Variants in EEF1G observed in about 807,000 individuals in gnomAD.
The protein encoded by EEF1G is elongation factor 1-gamma.
Under a neutral mutation model 58.3 loss-of-function variants are expected in EEF1G, and 14 were observed. The ratio of observed to expected loss-of-function variants is 0.24; its 90% CI spans 0.16 to 0.38. The LOEUF is 0.38. EEF1G is among the 10% of genes least tolerant of loss of function. EEF1G has a pLI of 1.00. For synonymous variants in EEF1G, 180 were observed against 206.8 expected, an observed-to-expected ratio of 0.87 and a Z score of 1.11; for missense variants, 322 against 550.1, an observed-to-expected ratio of 0.59 and a Z score of 4.15.
At position 62,571,098 on chromosome 11, in the gene EEF1G, T is replaced by C. The variant is rs201995941; in HGVS notation, c.389A>G (p.Asn130Ser). The C allele has an allele frequency of 1.2e-6, 2 of 1,613,920 alleles. No homozygotes were observed. The change falls in exon 5 of 10, where the codon AAT (asparagine) becomes AGT (serine). Residue 130 changes from asparagine to serine, a missense_variant. Asn to Ser is a conservative substitution (Grantham distance 46). Around this residue, in one of 3 missense-constraint regions of EEF1G, gnomAD observed 52 missense variants for 139.4 expected, o/e 0.37. Coordinates refer to ENST00000329251, the MANE Select transcript of EEF1G (RefSeq NM_001404.5). Reference protein sequence around the residue: ...IMHHNKQATENAKEEVRRILG... With the variant: ...IMHHNKQATESAKEEVRRILG... ...AATTCGCCTCACTTCCTCCTTTGCATTCTCAGTGGCCTAGTGATTCAACAT... is the reference window on the plus strand; with the variant it reads ...AATTCGCCTCACTTCCTCCTTTGCACTCTCAGTGGCCTAGTGATTCAACAT...
intron 7 of EEF1G, among the ~76,000 whole-genome samples, chr11:62,563,148 A>G (rs1941518230): frequency 6.6e-6 from 1 of 151,542 alleles, no homozygotes; most frequent in South Asian, 2.1e-4. Flanking sequence ...TTTCCTTGAG[A>G]CGGAGTCTAG....
At chr11:62,563,750 C>A (rs115600501) in intron 7 of EEF1G, among the ~76,000 whole-genome samples, 2 of 152,188 alleles carry the variant, frequency 1.3e-5, no homozygotes, top group Non-Finnish European at 2.9e-5. Flanking sequence ...CCCTGACCCT[C>A]CCCTCTCTTT....
At chr11:62,571,959 T>C (rs946731214) in intron 2 of EEF1G, 58 bp from the exon 3 acceptor site, 4 of 1,447,124 alleles carry the variant, frequency 2.8e-6, no homozygotes, top group African/African-American at 2.8e-5. Context: ...TCCTAACCAA[T>C]ACCAGGAGCC....
At chr11:62,567,359 C>T in intron 6 of EEF1G, 40 bp downstream of exon 6, 1 of 1,579,678 alleles carries the variant, frequency 6.3e-7, no homozygotes, top group Non-Finnish European at 8.6e-7. Context: ...AAACCAGACC[C>T]TGATCCTGGC....
chr11:62,572,925 GA>G, intron 1 of EEF1G, 183 bp from the exon 2 acceptor site: 1 of 508,180 alleles, frequency 2.0e-6, no homozygotes, highest in Non-Finnish European at 3.4e-6. Context: ...ACCAAGAACA[GA>G]ACTACACACC....
intron 7 of EEF1G, among the ~76,000 whole-genome samples, chr11:62,562,445 G>A (rs1941507667): frequency 6.6e-6 from 1 of 152,098 alleles, no homozygotes; most frequent in Non-Finnish European, 1.5e-5. Context: ...GCTGACTGAA[G>A]AAAATCACCT....
chr11:62,570,424 T>A (rs1941613602), intron 5 of EEF1G, among the ~76,000 whole-genome samples: 1 of 152,156 alleles, frequency 6.6e-6, no homozygotes, highest in African/African-American at 2.4e-5. Flanking sequence ...CAACTAAGAA[T>A]AACCAATCTT....
chr11:62,565,998 G>A (rs1590708730), intron 7 of EEF1G, among the ~76,000 whole-genome samples: 2 of 152,056 alleles, frequency 1.3e-5, no homozygotes, highest in South Asian at 4.1e-4. Flanking sequence ...GAAATGACAG[G>A]GTGAGTGGGA....
chr11:62,573,400 G>A (rs1293279843), intron 1 of EEF1G: 1 of 219,124 alleles, frequency 4.6e-6, no homozygotes, highest in Non-Finnish European at 9.2e-6. Context: ...ACTGTCCGGA[G>A]AATCCTCTCG....
intron 5 of EEF1G, among the ~76,000 whole-genome samples, chr11:62,569,331 G>A (rs1941597051): frequency 6.6e-6 from 1 of 151,848 alleles, no homozygotes; most frequent in Non-Finnish European, 1.5e-5. Flanking sequence ...AAAATTAGAC[G>A]GGTTTGGTGG....
At chr11:62,568,225 CAA>C (rs34105472) in intron 5 of EEF1G, among the ~76,000 whole-genome samples, 4 of 127,564 alleles carry the variant, frequency 3.1e-5, no homozygotes, top group Non-Finnish European at 5.1e-5. Flanking sequence ...GACTCTGTCT[CAA>C]AAAAAAAAAA....
chr11:62,565,912 T>A (rs1235060731), intron 7 of EEF1G, among the ~76,000 whole-genome samples: 1 of 152,092 alleles, frequency 6.6e-6, no homozygotes, highest in Non-Finnish European at 1.5e-5. Flanking sequence ...TCACCCGGTA[T>A]CCAAGCCATT....
chr11:62,565,747 C>A (rs1941547928), intron 7 of EEF1G, among the ~76,000 whole-genome samples: 1 of 152,180 alleles, frequency 6.6e-6, no homozygotes, highest in Non-Finnish European at 1.5e-5. Flanking sequence ...GTGCCTGTGT[C>A]TGGATGGAGC....
At chr11:62,567,158 G>C in intron 6 of EEF1G, 148 bp from the exon 7 acceptor site, 1 of 954,678 alleles carries the variant, frequency 1.0e-6, no homozygotes, top group Non-Finnish European at 1.6e-6. Flanking sequence ...TCAGTTCACT[G>C]TGTGTCCTCC....
intron 7 of EEF1G, among the ~76,000 whole-genome samples, chr11:62,565,315 G>A (rs539326029): frequency 6.6e-6 from 1 of 151,990 alleles, no homozygotes; most frequent in Non-Finnish European, 1.5e-5. Context: ...GAGTACAGGA[G>A]GTCAAGACTG....
At chr11:62,571,510 C>A in intron 4 of EEF1G, 30 bp downstream of exon 4, 1 of 1,577,300 alleles carries the variant, frequency 6.3e-7, no homozygotes, top group East Asian at 2.3e-5. Flanking sequence ...CACCCCTGCC[C>A]CTGGCTTCTC....
chr11:62,572,882 T>G, intron 1 of EEF1G, 140 bp from the exon 2 acceptor site: 7 of 703,280 alleles, frequency 1.0e-5, no homozygotes, highest in Non-Finnish European at 1.6e-5. Context: ...AGTCCTTTAG[T>G]ACTTGTCATA....
chr11:62,559,948 C>T, intron 9 of EEF1G, 111 bp from the exon 10 acceptor site: 6 of 1,605,740 alleles, frequency 3.7e-6, no homozygotes, highest in Non-Finnish European at 5.1e-6. Context: ...TGAACATGAA[C>T]TGCTCCTTCC....
rs1473043127 is a variant in EEF1G, at chr11:62,572,810, G to A, written c.13-68C>T. 5 of 1,462,810 alleles carry A rather than the reference G, an allele frequency of 3.4e-6. No homozygotes were observed. The African/African-American group carries it at 7.1e-5, about 21-fold the overall frequency. The allele number at this position is 1,462,810 out of a possible 1,614,324, so 90.6% of individuals were successfully genotyped here. ...CCCAGTCCTTAATGCCACTCTCCAG[G>A]ATGACTTTCCTGAATAATCCCAATG... On this transcript the variant is annotated intron_variant, in intron 1 of 9. Transcript: ENST00000329251.
Sources: gnomAD v4.1 joint callset for allele counts (sites outside exome capture counted in the v4.1 genomes callset) on GRCh38, gnomAD v4.1.1 for gene constraint, gnomAD v4.1.1 regional missense constraint, MANE v1.5 for transcripts, NCBI Gene and HGNC (gene_info 2026-07-23, HGNC 2026-07-21) for gene names.